TSPEAR: variants seen among roughly 807,000 people sequenced by gnomAD.
The protein encoded by TSPEAR is thrombospondin type laminin G domain and EAR repeats.
A neutral mutation model predicts 71.6 loss-of-function variants in TSPEAR; 69 were observed. The ratio of observed to expected loss-of-function variants is 0.96; its 90% CI spans 0.79 to 1.18. The LOEUF is 1.18. TSPEAR is among the 50% of genes most tolerant of loss of function. The probability of loss-of-function intolerance (pLI) is 0.00; values close to 1 mark genes in which losing one functional copy is unlikely to be tolerated. For synonymous variants in TSPEAR, 402 were observed against 387.2 expected, an observed-to-expected ratio of 1.04 and a Z score of -0.45; for missense variants, 971 against 894.9, an observed-to-expected ratio of 1.09 and a Z score of -1.09.
Position 44,612,024 on chromosome 21 carries a change from A to C in TSPEAR, c.83-44019T>G. On this transcript the variant is annotated intron_variant, in intron 1 of 11. Transcript: ENST00000323084. This position sits in a 1 kb window ranked among gnomAD's most constrained non-coding sequence, Gnocchi z 4.1. ...TGTGAGGAAAATACCCAGGGAGGGT[A>C]TAAAACCTCAGCAGCCAGGGCACAC... 1.4e-6 allele frequency: 2 copies of C among 1,450,106 alleles called. No individual in the cohort carries two copies. Among genetic ancestry groups the C allele is most frequent in the Non-Finnish European group, 1.9e-6 (2 of 1,051,274 alleles). 89.8% of individuals were successfully genotyped at this position (1,450,106 alleles called of 1,614,324 possible). A position where few individuals can be genotyped will look rare whatever the true frequency, so the allele number is the denominator to read the frequency against.
At chr21:44,682,028 G>A (rs1398085666) in intron 1 of TSPEAR, 1 of 1,614,018 alleles carries the variant, frequency 6.2e-7, no homozygotes, top group Non-Finnish European at 8.5e-7. Context: ...CGCACACGGA[G>A]GACTGGCAGC....
chr21:44,654,743 T>C, intron 1 of TSPEAR: 3 of 637,974 alleles, frequency 4.7e-6, no homozygotes, highest in Non-Finnish European at 8.3e-6. Context: ...TCGTGGGTGG[T>C]TTTTCCTCCT....
intron 1 of TSPEAR, among the ~76,000 whole-genome samples, chr21:44,616,149 T>G (rs1015384812): frequency 5.3e-5 from 8 of 152,152 alleles, no homozygotes; most frequent in African/African-American, 1.4e-4. Context: ...CACACATGCT[T>G]AGGCTCTCAG....
At chr21:44,701,454 C>T (rs1166526600) in intron 1 of TSPEAR, among the ~76,000 whole-genome samples, 1 of 152,200 alleles carries the variant, frequency 6.6e-6, no homozygotes, top group African/African-American at 2.4e-5. Context: ...ATTTATTGTG[C>T]ACTGTCTTTC....
intron 11 of TSPEAR, among the ~76,000 whole-genome samples, chr21:44,503,946 T>G (rs1393529631): frequency 1.6e-4 from 18 of 110,092 alleles, no homozygotes; most frequent in African/African-American, 3.1e-4. Flanking sequence ...GAAGCAAGGC[T>G]CTGGGAGGAG....
intron 2 of TSPEAR, among the ~76,000 whole-genome samples, chr21:44,555,680 C>A (rs1427997093): frequency 6.6e-6 from 1 of 152,084 alleles, no homozygotes; most frequent in Non-Finnish European, 1.5e-5. Context: ...TCCCACCCCC[C>A]TTCACAAGCA....
At chr21:44,629,942 G>C (rs1251363328) in intron 1 of TSPEAR, among the ~76,000 whole-genome samples, 1 of 152,212 alleles carries the variant, frequency 6.6e-6, no homozygotes, top group Non-Finnish European at 1.5e-5. Flanking sequence ...GCCACACAGG[G>C]ATGGGTGCAG....
intron 1 of TSPEAR, among the ~76,000 whole-genome samples, chr21:44,638,741 T>C (rs1983834629): frequency 6.6e-6 from 1 of 152,016 alleles, no homozygotes; most frequent in African/African-American, 2.4e-5. Flanking sequence ...AAGCTGCCTC[T>C]GGAACCAAGG....
chr21:44,681,989 A>T (rs1555948106), intron 1 of TSPEAR: 4 of 1,610,188 alleles, frequency 2.5e-6, no homozygotes, highest in Non-Finnish European at 3.4e-6. Context: ...TCACGGGCAC[A>T]CACACGGCTG....
chr21:44,568,437 C>T (rs1173189176), intron 1 of TSPEAR, among the ~76,000 whole-genome samples: 2 of 152,222 alleles, frequency 1.3e-5, no homozygotes, highest in Non-Finnish European at 2.9e-5. Context: ...GCTGGCCTCC[C>T]TTGGGTCCCT....
chr21:44,512,139 G>A (rs767098868), intron 9 of TSPEAR, among the ~76,000 whole-genome samples: 4 of 152,228 alleles, frequency 2.6e-5, no homozygotes, highest in East Asian at 1.9e-4. Flanking sequence ...AGGGCTGGGC[G>A]CACACAGAGT....
At chr21:44,539,202 C>T (rs2146000277) in intron 2 of TSPEAR, 1 of 1,525,448 alleles carries the variant, frequency 6.6e-7, no homozygotes, top group Non-Finnish European at 8.8e-7. Context: ...GGGGACCCGT[C>T]CTAGGTGGGG....
intron 1 of TSPEAR, among the ~76,000 whole-genome samples, chr21:44,707,517 G>T (rs75848850): frequency 0.061 from 9,341 of 152,140 alleles, 315 homozygotes; most frequent in Middle Eastern, 0.15. Flanking sequence ...GAGCGGAACC[G>T]TAGTGTCCAA....
intron 2 of TSPEAR, among the ~76,000 whole-genome samples, chr21:44,548,533 C>A (rs1392927370): frequency 6.6e-6 from 1 of 152,162 alleles, no homozygotes; most frequent in African/African-American, 2.4e-5. Context: ...CACGTCCAAA[C>A]CAGAGGGTGG....
At chr21:44,513,193 C>T (rs1358791613) in intron 9 of TSPEAR, among the ~76,000 whole-genome samples, 1 of 152,208 alleles carries the variant, frequency 6.6e-6, no homozygotes, top group Non-Finnish European at 1.5e-5. Context: ...GTAGGGCGGT[C>T]ATTGTCATTG....
At chr21:44,526,882 T>C (rs1379527800) in intron 7 of TSPEAR, among the ~76,000 whole-genome samples, 1 of 152,264 alleles carries the variant, frequency 6.6e-6, no homozygotes, top group African/African-American at 2.4e-5. Context: ...GAGCCTGGCC[T>C]CAGCCTTGCA....
In TSPEAR at chr21:44,622,434, A is replaced by T. The variant is rs587734017; in HGVS notation, c.83-54429T>A. Among the ~76,000 whole-genome samples, 8 of 152,352 alleles carry T rather than the reference A, an allele frequency of 5.3e-5. No individual in the cohort carries two copies. In the South Asian group the frequency reaches 1.7e-3, roughly 32 times the overall value. On this transcript the variant is annotated intron_variant, in intron 1 of 11. Coordinates refer to ENST00000323084, the MANE Select transcript of TSPEAR (RefSeq NM_144991.3). The stretch of plus-strand genomic sequence containing the variant: ...TCAAATGTCACCAAAAAAGTGACTT[A>T]TAAGAGTGGAAATTTATTATCTCGC...
At chr21:44,701,863 A>G (rs1208019750) in intron 1 of TSPEAR, among the ~76,000 whole-genome samples, 1 of 152,162 alleles carries the variant, frequency 6.6e-6, no homozygotes, top group African/African-American at 2.4e-5. Context: ...ATAGAACACT[A>G]GAACGTGTCC....
chr21:44,592,433 G>T, intron 1 of TSPEAR: 1 of 1,610,326 alleles, frequency 6.2e-7, no homozygotes, highest in Non-Finnish European at 8.5e-7. Context: ...AGGCAGACGC[G>T]GCTGCCGTAG....
Sources: gnomAD v4.1 joint callset for allele counts (sites outside exome capture counted in the v4.1 genomes callset) on GRCh38, gnomAD v4.1.1 for gene constraint, Gnocchi (gnomAD v3.1) non-coding constraint, MANE v1.5 for transcripts, NCBI Gene and HGNC (gene_info 2026-07-23, HGNC 2026-07-21) for gene names.